SLC8A1: variants seen among roughly 807,000 people sequenced by gnomAD.
SLC8A1 encodes the protein solute carrier family 8 member A1, also known as sodium/calcium exchanger 1.
A neutral mutation model predicts 68.3 loss-of-function variants in SLC8A1; 18 were observed. The observed-to-expected ratio is 0.26, with a 90% CI of 0.18 to 0.39. The LOEUF (loss-of-function observed/expected upper bound fraction) is 0.39, where lower values mean the gene tolerates loss of function less well. Among genes scored for constraint, SLC8A1 ranks in the 10% least tolerant of loss-of-function variants. The pLI is 1.00. For synonymous variants in SLC8A1, 475 were observed against 415.5 expected (o/e 1.14, Z -1.74); for missense variants, 985 against 1,156.7 (o/e 0.85, Z 2.15).
rs557322820 is a variant in SLC8A1, at chr2:40,161,015, T to G, written c.2062-151A>C. 2.3e-5 allele frequency: 14 copies of G among 610,240 alleles called. No individual in the cohort carries two copies. In the South Asian group the frequency reaches 2.8e-4, roughly 12 times the overall value. 37.8% of individuals were successfully genotyped at this position (610,240 alleles called of 1,614,324 possible). A position where few individuals can be genotyped will look rare whatever the true frequency, so the allele number is the denominator to read the frequency against. On this transcript the variant is annotated intron_variant, in intron 5 of 7. Coordinates refer to ENST00000406785, the Ensembl canonical transcript of SLC8A1. ...GTATTGACATCAAACACTGTTATGATTATGCAAACAAGCATGGTCCTTAGT... is the reference window on the plus strand; with the variant it reads ...GTATTGACATCAAACACTGTTATGAGTATGCAAACAAGCATGGTCCTTAGT...
chr2:40,272,092 C>T (rs189495444), intron 2 of SLC8A1, among the ~76,000 whole-genome samples: 78 of 152,210 alleles, frequency 5.1e-4, no homozygotes, highest in Middle Eastern at 3.4e-3. Context: ...TGGCCCGGAA[C>T]GCCTGGTCGC....
At chr2:40,221,217 G>C (rs1034796339) in intron 2 of SLC8A1, among the ~76,000 whole-genome samples, 8 of 152,010 alleles carry the variant, frequency 5.3e-5, no homozygotes, top group Non-Finnish European at 7.4e-5. Context: ...GGATGCAAGG[G>C]TGGTTCAACA....
chr2:40,447,343 G>T (rs1330604848), intron 1 of SLC8A1, among the ~76,000 whole-genome samples: 1 of 152,030 alleles, frequency 6.6e-6, no homozygotes, highest in Non-Finnish European at 1.5e-5. Flanking sequence ...TATTACCCTT[G>T]TTGCTCTAGA....
At chr2:40,153,018 C>T (rs2043748925) in intron 6 of SLC8A1, among the ~76,000 whole-genome samples, 1 of 151,832 alleles carries the variant, frequency 6.6e-6, no homozygotes, top group East Asian at 1.9e-4. Flanking sequence ...TTCAAATTTC[C>T]AAATTCAATT....
chr2:40,302,155 C>G (rs1291289853), intron 2 of SLC8A1, among the ~76,000 whole-genome samples: 2 of 150,818 alleles, frequency 1.3e-5, no homozygotes, highest in Admixed American at 6.7e-5. Flanking sequence ...CCTTAGCCTC[C>G]CAGTGTGCTG....
At chr2:40,479,063 C>A (rs983042649) in intron 1 of SLC8A1, among the ~76,000 whole-genome samples, 4 of 152,164 alleles carry the variant, frequency 2.6e-5, no homozygotes, top group African/African-American at 9.7e-5. Context: ...TGAGCCACCA[C>A]GCCCGGCCTC....
intron 5 of SLC8A1, among the ~76,000 whole-genome samples, chr2:40,164,600 C>T (rs757827292): frequency 3.3e-5 from 5 of 152,158 alleles, no homozygotes; most frequent in African/African-American, 1.2e-4. Flanking sequence ...CCCTTTGGGG[C>T]ACCTCTGACC....
upstream of SLC8A1, chr2:40,453,067 CA>C (rs1702746123): frequency 6.6e-6 from 1 of 152,144 alleles, no homozygotes. Context: ...ACAGCTCATT[CA>C]TTCTTACAAA....
At position 40,416,683 on chromosome 2, in the gene SLC8A1, G is replaced by C. The variant is rs17039010; in HGVS notation, c.1808+11790C>G. On this transcript the variant is annotated intron_variant, in intron 2 of 7. Coordinates refer to ENST00000406785, the Ensembl canonical transcript of SLC8A1. ...AAGCTGCTGGTCTGGTCTAGGTAGC[G>C]ACCAACTAACCAGACCAGTAGCCTA... Among the ~76,000 whole-genome samples, 1,466 of 152,150 alleles carry C rather than the reference G, an allele frequency of 9.6e-3. 7 individuals carry two copies. The highest frequency in any genetic ancestry group is 0.027 in the Middle Eastern group (8 of 294).
chr2:40,235,260 A>T (rs2060208266), intron 2 of SLC8A1, among the ~76,000 whole-genome samples: 1 of 152,156 alleles, frequency 6.6e-6, no homozygotes, highest in Non-Finnish European at 1.5e-5. Context: ...GCTATTAATT[A>T]TTGCCACAAT....
intron 2 of SLC8A1, among the ~76,000 whole-genome samples, chr2:40,371,866 C>T (rs1045672092): frequency 1.3e-5 from 2 of 152,064 alleles, no homozygotes; most frequent in Non-Finnish European, 1.5e-5. Context: ...CCAGACAATA[C>T]GGTTTTACAA....
intron 1 of SLC8A1, among the ~76,000 whole-genome samples, chr2:40,435,802 T>C (rs1318254151): frequency 1.3e-5 from 2 of 152,162 alleles, no homozygotes; most frequent in South Asian, 4.1e-4. Flanking sequence ...TGAGACATAG[T>C]CTTGCTCCTG....
intron 2 of SLC8A1, among the ~76,000 whole-genome samples, chr2:40,327,528 C>A (rs2075963704): frequency 1.3e-5 from 2 of 152,014 alleles, no homozygotes; most frequent in Non-Finnish European, 2.9e-5. Flanking sequence ...GACTGTGAGG[C>A]ACAAATGAAT....
chr2:40,217,711 A>G (rs1156786938), intron 2 of SLC8A1, among the ~76,000 whole-genome samples: 1 of 152,200 alleles, frequency 6.6e-6, no homozygotes, highest in East Asian at 1.9e-4. Context: ...AGGCTTTGCT[A>G]AAATTATCCC....
intron 1 of SLC8A1, among the ~76,000 whole-genome samples, chr2:40,463,476 G>C (rs1458519957): frequency 6.6e-6 from 1 of 152,114 alleles, no homozygotes; most frequent in Non-Finnish European, 1.5e-5. Context: ...AGAACAATTA[G>C]CCTTACAGTT....
intron 1 of SLC8A1, among the ~76,000 whole-genome samples, chr2:40,460,176 T>C (rs1044349982): frequency 6.6e-6 from 1 of 152,226 alleles, no homozygotes; most frequent in Non-Finnish European, 1.5e-5. Flanking sequence ...ATATGAATTA[T>C]GTATCTCATG....
intron 4 of SLC8A1, among the ~76,000 whole-genome samples, chr2:40,174,218 T>A (rs190199893): frequency 1.3e-5 from 2 of 152,144 alleles, no homozygotes; most frequent in Non-Finnish European, 2.9e-5. Flanking sequence ...TTATAAATTA[T>A]ATATTTACAT....
At chr2:40,246,945 A>AT (rs55866206) in intron 2 of SLC8A1, among the ~76,000 whole-genome samples, 111,186 of 152,010 alleles carry the variant, frequency 0.73, 41,291 homozygotes, top group Middle Eastern at 0.82. Context: ...CTGCTAAAAA[A>AT]AAAAAGAATA....
chr2:40,109,347 C>G (rs186728054), exon 8 of SLC8A1: 1 of 152,136 alleles, frequency 6.6e-6, no homozygotes, highest in East Asian at 1.9e-4. Context: ...ATGTGAATGT[C>G]GGTTCTCATT....
Sources: gnomAD v4.1 joint callset for allele counts (sites outside exome capture counted in the v4.1 genomes callset) on GRCh38, gnomAD v4.1.1 for gene constraint, MANE v1.5 for transcripts, NCBI Gene and HGNC (gene_info 2026-07-23, HGNC 2026-07-21) for gene names.